ZNF324B: variants seen among roughly 807,000 people sequenced by gnomAD.
ZNF324B encodes zinc finger protein 324B.
A neutral mutation model predicts 10.6 loss-of-function variants in ZNF324B; 7 were observed. That is an observed-to-expected ratio of 0.66 (90% CI 0.38 to 1.24). ZNF324B has a LOEUF of 1.24. ZNF324B is among the 50% of genes most tolerant of loss of function. ZNF324B has a pLI of 0.02. For synonymous variants in ZNF324B, 316 were observed against 321.0 expected (o/e 0.98, Z 0.17); for missense variants, 640 against 764.7 (o/e 0.84, Z 1.92).
At chr19:58,427,390 C>CT in the ZNF324B span, among the ~76,000 whole-genome samples, 4 of 48,570 alleles carry the variant, frequency 8.2e-5, no homozygotes, top group Non-Finnish European at 1.5e-4. Context: ...TTCTTTCTTT[C>CT]TTTCTTTCTT....
the ZNF324B span, among the ~76,000 whole-genome samples, chr19:58,425,764 C>A: frequency 5.9e-5 from 9 of 152,334 alleles, no homozygotes; most frequent in African/African-American, 1.9e-4. Flanking sequence ...AGCCACCATG[C>A]CCAGCCTGAG....
chr19:58,424,337 C>G, the ZNF324B span, among the ~76,000 whole-genome samples: 4 of 152,084 alleles, frequency 2.6e-5, no homozygotes, highest in African/African-American at 7.2e-5. Context: ...TAAATATATT[C>G]GACATCTTTT....
At chr19:58,445,503 C>G in the ZNF324B span, 1 of 518,814 alleles carries the variant, frequency 1.9e-6, no homozygotes, top group South Asian at 1.4e-5. Context: ...AAGTCTTCAC[C>G]TCCCTTATTT....
At chr19:58,435,814 C>T in the ZNF324B span, 1 of 152,584 alleles carries the variant, frequency 6.6e-6, no homozygotes, top group Non-Finnish European at 1.5e-5. Context: ...CTATGTTGCC[C>T]AGGTTGGTCT....
At chr19:58,432,227 C>T in the ZNF324B span, 1 of 485,310 alleles carries the variant, frequency 2.1e-6, no homozygotes, top group Non-Finnish European at 4.1e-6. Flanking sequence ...CCAGTTCCTA[C>T]CTGGGGAGTG....
the ZNF324B span, chr19:58,445,418 G>A: frequency 1.9e-6 from 1 of 518,780 alleles, no homozygotes; most frequent in Non-Finnish European, 3.8e-6. Flanking sequence ...GAGAGCATCG[G>A]CCACAGCTCC....
the ZNF324B span, chr19:58,434,083 G>A: frequency 2.5e-6 from 4 of 1,614,112 alleles, no homozygotes; most frequent in South Asian, 2.2e-5. Context: ...CCGTTCTCCG[G>A]TGTGAACTTT....
At chr19:58,432,264 A>T in the ZNF324B span, 1 of 514,516 alleles carries the variant, frequency 1.9e-6, no homozygotes, top group South Asian at 1.4e-5. Context: ...AGTTTGAGAG[A>T]GGTGAAGTGA....
At chr19:58,432,438 A>T in the ZNF324B span, 3 of 397,526 alleles carry the variant, frequency 7.5e-6, no homozygotes, top group South Asian at 5.7e-5. Flanking sequence ...CATGTGCCCT[A>T]GTTCACCAGT....
the ZNF324B span, chr19:58,434,679 C>G: frequency 6.2e-7 from 1 of 1,614,090 alleles, no homozygotes; most frequent in Non-Finnish European, 8.5e-7. Context: ...AGTGAGTTCT[C>G]AGATGGTTGG....
At chr19:58,420,127 C>CA in the ZNF324B span, among the ~76,000 whole-genome samples, 3 of 152,062 alleles carry the variant, frequency 2.0e-5, no homozygotes, top group African/African-American at 7.2e-5. Flanking sequence ...ACTAAAAATA[C>CA]AAAAAAATTG....
At chr19:58,434,807 C>A in the ZNF324B span, 1 of 1,614,216 alleles carries the variant, frequency 6.2e-7, no homozygotes, top group Non-Finnish European at 8.5e-7. Context: ...CCACTGTCAA[C>A]AGCTTGAAGC....
At chr19:58,427,400 T>TTC in the ZNF324B span, among the ~76,000 whole-genome samples, 1 of 46,982 alleles carries the variant, frequency 2.1e-5, no homozygotes, top group East Asian at 7.9e-4. Context: ...CTTTCTTTCT[T>TTC]TCTTTCCTTC....
the ZNF324B span, among the ~76,000 whole-genome samples, chr19:58,421,424 A>G: frequency 6.6e-6 from 1 of 152,058 alleles, no homozygotes; most frequent in Non-Finnish European, 1.5e-5. Flanking sequence ...TTTGAGACGG[A>G]GTCTCCCCGT....
the ZNF324B span, chr19:58,430,886 C>T: frequency 6.6e-6 from 1 of 152,224 alleles, no homozygotes; most frequent in African/African-American, 2.4e-5. Flanking sequence ...AGCTGTGTGG[C>T]AGCATCTTCT....
At chr19:58,437,040 G>A in the ZNF324B span, 35 of 1,614,152 alleles carry the variant, frequency 2.2e-5, no homozygotes, top group African/African-American at 4.3e-4. Context: ...CTGAGACAGG[G>A]CATTACCAAG....
upstream of ZNF324B, among the ~76,000 whole-genome samples, chr19:58,446,753 T>G (rs1029283158): frequency 1.3e-5 from 2 of 151,352 alleles, no homozygotes; most frequent in South Asian, 2.1e-4. Context: ...ATTTTTTGTA[T>G]TTTAGTAGAG....
chr19:58,435,998 G>A, the ZNF324B span, among the ~76,000 whole-genome samples: 1 of 152,072 alleles, frequency 6.6e-6, no homozygotes, highest in Admixed American at 6.6e-5. Flanking sequence ...CTATACACTG[G>A]AATATTTGGC....
upstream of ZNF324B, among the ~76,000 whole-genome samples, chr19:58,451,073 C>T (rs769910523): frequency 6.6e-6 from 1 of 152,176 alleles, no homozygotes; most frequent in Non-Finnish European, 1.5e-5. Flanking sequence ...AGTGTCATTA[C>T]AGGCTGAGAA....
Sources: allele counts gnomAD v4.1 joint callset (sites outside exome capture counted in the v4.1 genomes callset), GRCh38; gene constraint gnomAD v4.1.1; transcripts MANE v1.5; gene names NCBI Gene and HGNC (gene_info 2026-07-23, HGNC 2026-07-21).